Variants in LARGE1 observed in about 807,000 individuals in gnomAD.
LARGE1 encodes the protein xylosyl- and glucuronyltransferase LARGE1.
A neutral mutation model predicts 87.6 loss-of-function variants in LARGE1; 43 were observed. The observed-to-expected ratio is 0.49, with a 90% confidence interval of 0.38 to 0.63. LARGE1 has a LOEUF of 0.63. Among genes scored for constraint, LARGE1 ranks in the 30% least tolerant of loss-of-function variants. The pLI is 0.00. For synonymous variants in LARGE1, 434 were observed against 394.6 expected, an observed-to-expected ratio of 1.10 and a Z score of -1.18; for missense variants, 802 against 1,000.2, an observed-to-expected ratio of 0.80 and a Z score of 2.67.
chr22:33,883,721 TTTCCCCAGAAAGCCCCATGACTCA>T (rs1301092003), intron 1 of LARGE1, among the ~76,000 whole-genome samples: 1 of 152,242 alleles, frequency 6.6e-6, no homozygotes, highest in Non-Finnish European at 1.5e-5. Context: ...GCCTCGGCTC[TTTCCCCAGAAAGCCCCATGACTCA>T]TTCCTTCACC....
intron 1 of LARGE1, among the ~76,000 whole-genome samples, chr22:33,775,455 A>C (rs1199674644): frequency 6.6e-6 from 1 of 151,706 alleles, no homozygotes; most frequent in African/African-American, 2.4e-5. Flanking sequence ...TCCCACACCA[A>C]CTCTGCTTTT....
At chr22:33,083,477 T>C in the LARGE1 span, among the ~76,000 whole-genome samples, 1 of 152,352 alleles carries the variant, frequency 6.6e-6, no homozygotes, top group South Asian at 2.1e-4. Context: ...AATGTGATTA[T>C]TTGTTCAAAA....
intron 3 of LARGE1, among the ~76,000 whole-genome samples, chr22:33,632,427 T>C (rs531124095): frequency 2.0e-5 from 3 of 152,176 alleles, no homozygotes; most frequent in Admixed American, 6.5e-5. Context: ...CCTGGTTGAG[T>C]CTGACCTTTG....
intron 2 of LARGE1, among the ~76,000 whole-genome samples, chr22:33,679,790 C>A (rs755830981): frequency 6.6e-6 from 1 of 151,994 alleles, no homozygotes; most frequent in Non-Finnish European, 1.5e-5. Flanking sequence ...TGCAGTGAGC[C>A]GAGATCGTGC....
intron 1 of LARGE1, among the ~76,000 whole-genome samples, chr22:33,823,709 T>G (rs1380999450): frequency 6.6e-6 from 1 of 152,206 alleles, no homozygotes; most frequent in Non-Finnish European, 1.5e-5. Context: ...CTGCCCATTG[T>G]GCCTTCCCCA....
chr22:33,881,396 G>A (rs955699691), intron 1 of LARGE1, among the ~76,000 whole-genome samples: 2 of 152,206 alleles, frequency 1.3e-5, no homozygotes, highest in African/African-American at 4.8e-5. Context: ...GAGCATCTGT[G>A]TGGGAAGGCT....
At chr22:33,257,176 G>A (rs1927338138) in intron 11 of LARGE1, among the ~76,000 whole-genome samples, 5 of 152,118 alleles carry the variant, frequency 3.3e-5, no homozygotes, top group Admixed American at 1.3e-4. Flanking sequence ...TTGCACTCCA[G>A]CCTGGGCAAC....
At chr22:33,170,796 C>A (rs569495455) in intron 11 of LARGE1, among the ~76,000 whole-genome samples, 34 of 152,256 alleles carry the variant, frequency 2.2e-4, no homozygotes, top group African/African-American at 7.9e-4. Flanking sequence ...TTGGTACCAT[C>A]AGTGGTACTG....
At chr22:33,103,628 G>A in the LARGE1 span, among the ~76,000 whole-genome samples, 1 of 152,036 alleles carries the variant, frequency 6.6e-6, no homozygotes, top group Admixed American at 6.5e-5. Context: ...CAAGGAATGT[G>A]GGTGTCCTAT....
At chr22:33,736,508 A>G (rs988863492) in intron 2 of LARGE1, among the ~76,000 whole-genome samples, 2 of 152,244 alleles carry the variant, frequency 1.3e-5, no homozygotes, top group African/African-American at 4.8e-5. Context: ...TTGTTAAGTT[A>G]TAAGAGTTAT....
chr22:33,430,928 GGC>G (rs1398885198), intron 7 of LARGE1, among the ~76,000 whole-genome samples: 1 of 140,732 alleles, frequency 7.1e-6, no homozygotes, highest in African/African-American at 3.0e-5. Context: ...CAGCCTCCAG[GGC>G]AGGCTTCACT....
chr22:33,089,371 C>CTTCTTCTCCTTCTT, the LARGE1 span, among the ~76,000 whole-genome samples: 355 of 75,982 alleles, frequency 4.7e-3, 1 homozygote, highest in East Asian at 0.027. Flanking sequence ...TTCTTCTTCT[C>CTTCTTCTCCTTCTT]CTTCTTCTTC....
intron 9 of LARGE1, among the ~76,000 whole-genome samples, chr22:33,367,905 A>G (rs1204600224): frequency 6.6e-6 from 1 of 152,146 alleles, no homozygotes; most frequent in Non-Finnish European, 1.5e-5. Context: ...GTAGTTTTCA[A>G]TTTAAATTAT....
intron 6 of LARGE1, among the ~76,000 whole-genome samples, chr22:33,559,279 T>C (rs933325363): frequency 6.6e-6 from 1 of 152,204 alleles, no homozygotes; most frequent in South Asian, 2.1e-4. Context: ...CCTCCCGGTT[T>C]CAAGTGATTC....
intron 6 of LARGE1, among the ~76,000 whole-genome samples, chr22:33,538,147 C>T (rs928840362): frequency 5.3e-5 from 8 of 152,164 alleles, no homozygotes; most frequent in African/African-American, 1.9e-4. Flanking sequence ...GAATTCCCTG[C>T]TATTTGGACC....
the LARGE1 span, among the ~76,000 whole-genome samples, chr22:33,146,755 C>G: frequency 6.6e-6 from 1 of 151,998 alleles, no homozygotes; most frequent in African/African-American, 2.4e-5. Context: ...TTTAATTGAA[C>G]TGTAAATTAA....
chr22:33,783,523 C>T (rs903062396), intron 1 of LARGE1, among the ~76,000 whole-genome samples: 2 of 152,142 alleles, frequency 1.3e-5, no homozygotes, highest in African/African-American at 4.8e-5. Flanking sequence ...TGAGATCATG[C>T]CATTTCACTC....
At chr22:33,476,400 C>T (rs1467930331) in intron 6 of LARGE1, among the ~76,000 whole-genome samples, 1 of 152,218 alleles carries the variant, frequency 6.6e-6, no homozygotes, top group Non-Finnish European at 1.5e-5. Context: ...CTACCTATGA[C>T]CTGGAAGCTC....
At chr22:33,461,579 C>T (rs1255603018) in intron 6 of LARGE1, among the ~76,000 whole-genome samples, 2 of 150,344 alleles carry the variant, frequency 1.3e-5, no homozygotes, top group Non-Finnish European at 2.9e-5. Flanking sequence ...GTGCAGCACA[C>T]CAACATGGTA....
Sources: gnomAD v4.1 joint callset for allele counts (sites outside exome capture counted in the v4.1 genomes callset) on GRCh38, gnomAD v4.1.1 for gene constraint, MANE v1.5 for transcripts, NCBI Gene and HGNC (gene_info 2026-07-23, HGNC 2026-07-21) for gene names.